NELL2: variants seen among roughly 807,000 people sequenced by gnomAD.
NELL2 encodes the protein neural EGFL like 2.
A neutral mutation model predicts 109.6 loss-of-function variants in NELL2; 41 were observed. The ratio of observed to expected loss-of-function variants is 0.37; its 90% CI spans 0.29 to 0.49. NELL2 has a LOEUF of 0.49. Ranked by LOEUF, NELL2 falls within the 20% of genes least tolerant of loss-of-function variation. The pLI, the probability that NELL2 is intolerant of heterozygous loss-of-function variation, is 0.98. For missense variants in NELL2, 900 were observed against 1,008.3 expected, an observed-to-expected ratio of 0.89 and a Z score of 1.45; for synonymous variants, 355 against 344.7, an observed-to-expected ratio of 1.03 and a Z score of -0.33.
In NELL2 at chr12:44,779,834, G is replaced by A; in HGVS notation, c.509+15C>T. ...TAGAATCTTCCATTTCCTAAAATGA[G>A]GACACTACACTTACTTATTGCAGTC... On this transcript the variant is annotated intron_variant, in intron 4 of 19. Transcript: ENST00000429094. The A allele has an allele frequency of 6.2e-7, 1 of 1,613,552 alleles. No individual in the cohort carries two copies. The highest frequency in any genetic ancestry group is 1.1e-5 in the South Asian group (1 of 91,066).
At chr12:44,531,284 A>T (rs940260174) in intron 16 of NELL2, among the ~76,000 whole-genome samples, 2 of 152,180 alleles carry the variant, frequency 1.3e-5, no homozygotes, top group Non-Finnish European at 2.9e-5. Flanking sequence ...ATGTGCATAA[A>T]TTTTTTAAAA....
At chr12:44,660,606 C>T (rs1372613399) in intron 13 of NELL2, among the ~76,000 whole-genome samples, 1 of 152,142 alleles carries the variant, frequency 6.6e-6, no homozygotes, top group Non-Finnish European at 1.5e-5. Context: ...AACCACTACC[C>T]TAAAGGATCA....
intron 12 of NELL2, among the ~76,000 whole-genome samples, chr12:44,678,023 T>C (rs1252571314): frequency 6.6e-6 from 1 of 152,012 alleles, no homozygotes; most frequent in African/African-American, 2.4e-5. Context: ...AAGAATGTAA[T>C]TAAAGCCATG....
intron 15 of NELL2, among the ~76,000 whole-genome samples, chr12:44,596,673 G>C (rs1221926996): frequency 1.3e-5 from 2 of 152,026 alleles, no homozygotes; most frequent in Non-Finnish European, 2.9e-5. Context: ...GGCCTCAAGT[G>C]ATCCTCCACC....
At chr12:44,745,721 C>T (rs1314699368) in intron 9 of NELL2, among the ~76,000 whole-genome samples, 2 of 152,102 alleles carry the variant, frequency 1.3e-5, no homozygotes, top group Admixed American at 1.3e-4. Flanking sequence ...AATAAAATAC[C>T]TGGGAATCCA....
intron 15 of NELL2, among the ~76,000 whole-genome samples, chr12:44,604,934 T>C (rs1040282033): frequency 6.6e-6 from 1 of 151,940 alleles, no homozygotes; most frequent in African/African-American, 2.4e-5. Context: ...ATCAAAAGGA[T>C]TTGACTGGAT....
intron 2 of NELL2, among the ~76,000 whole-genome samples, chr12:44,818,204 C>T (rs1943417040): frequency 6.6e-6 from 1 of 152,174 alleles, no homozygotes. Context: ...CTCAAGGAAG[C>T]ATGCAAAATC....
intron 15 of NELL2, among the ~76,000 whole-genome samples, chr12:44,599,230 G>A (rs1373230693): frequency 2.0e-5 from 3 of 152,056 alleles, no homozygotes; most frequent in Non-Finnish European, 4.4e-5. Flanking sequence ...CAATCATGAG[G>A]CAAAAGTCAG....
intron 10 of NELL2, among the ~76,000 whole-genome samples, chr12:44,711,860 T>A (rs1187682483): frequency 6.6e-6 from 1 of 152,106 alleles, no homozygotes; most frequent in Non-Finnish European, 1.5e-5. Context: ...ATATTGGATG[T>A]CTTCCACAAA....
In NELL2 at chr12:44,740,240, C is replaced by T. The variant is rs181265092; in HGVS notation, c.995-25499G>A. On this transcript the variant is annotated intron_variant, in intron 9 of 19. Coordinates refer to ENST00000429094, the MANE Select transcript of NELL2 (RefSeq NM_001145108.2). ...AGAGATGCTTTCTTGCTTTTAAGAA[C>T]GACGTACAGATACGTACAGTATATC... Among the ~76,000 whole-genome samples, 81 of 152,200 alleles carry T rather than the reference C, an allele frequency of 5.3e-4. 1 individual carries two copies. The highest frequency in any genetic ancestry group is 1.8e-3 in the African/African-American group (75 of 41,516).
At chr12:44,612,473 C>T (rs1266491434) in intron 13 of NELL2, among the ~76,000 whole-genome samples, 1 of 151,480 alleles carries the variant, frequency 6.6e-6, no homozygotes, top group Non-Finnish European at 1.5e-5. Context: ...GTACAAAATT[C>T]CACCCATATT....
chr12:44,914,494 C>G (rs1945811405), upstream of NELL2, among the ~76,000 whole-genome samples: 1 of 152,124 alleles, frequency 6.6e-6, no homozygotes, highest in Non-Finnish European at 1.5e-5. Flanking sequence ...TGCAAACCAC[C>G]CCACTCACAT....
intron 1 of NELL2, among the ~76,000 whole-genome samples, chr12:44,886,164 CATCTT>C (rs370669743): frequency 6.6e-6 from 1 of 151,394 alleles, no homozygotes; most frequent in Admixed American, 6.6e-5. Flanking sequence ...AGAGAATCCT[CATCTT>C]ATCTTGCATC....
intron 2 of NELL2, chr12:44,851,885 A>G (rs1944544903): frequency 6.6e-6 from 1 of 152,152 alleles, no homozygotes; most frequent in Non-Finnish European, 1.5e-5. Context: ...GTCTTATGCC[A>G]TATCTTGTTC....
At chr12:44,847,964 G>A (rs747198597) in intron 2 of NELL2, among the ~76,000 whole-genome samples, 1 of 150,930 alleles carries the variant, frequency 6.6e-6, no homozygotes, top group Non-Finnish European at 1.5e-5. Context: ...CCTGGGAGTC[G>A]GAGGTTGTAG....
intron 1 of NELL2, among the ~76,000 whole-genome samples, chr12:44,887,369 G>A (rs1454560639): frequency 6.6e-6 from 1 of 151,914 alleles, no homozygotes; most frequent in East Asian, 1.9e-4. Context: ...AGTGGCCGTA[G>A]TAATTTACAT....
chr12:44,769,861 T>C (rs1460184406), intron 9 of NELL2, among the ~76,000 whole-genome samples: 1 of 152,110 alleles, frequency 6.6e-6, no homozygotes, highest in Admixed American at 6.6e-5. Context: ...ATCAGAAATA[T>C]GGATGAGCCT....
intron 15 of NELL2, among the ~76,000 whole-genome samples, chr12:44,563,505 C>A (rs1376984182): frequency 2.0e-5 from 3 of 152,232 alleles, no homozygotes; most frequent in South Asian, 4.1e-4. Context: ...AGTCATCATT[C>A]ATCCATAGTT....
intron 9 of NELL2, among the ~76,000 whole-genome samples, chr12:44,752,733 A>G (rs953869050): frequency 6.6e-6 from 1 of 152,056 alleles, no homozygotes; most frequent in African/African-American, 2.4e-5. Context: ...TCTCCTGAAA[A>G]TCATCTTTTC....
Sources: gnomAD v4.1 joint callset for allele counts (sites outside exome capture counted in the v4.1 genomes callset) on GRCh38, gnomAD v4.1.1 for gene constraint, MANE v1.5 for transcripts, NCBI Gene and HGNC (gene_info 2026-07-23, HGNC 2026-07-21) for gene names.